The following COL8A1 variants were observed in gnomAD, a reference collection of about 807,000 sequenced individuals.
COL8A1 encodes collagen type VIII alpha 1 chain, also known as collagen alpha-1(VIII) chain.
Under a neutral mutation model 42.7 loss-of-function variants are expected in COL8A1, and 21 were observed. The observed-to-expected ratio is 0.49, with a 90% CI of 0.35 to 0.71. The LOEUF is 0.71. COL8A1 is among the 30% of genes least tolerant of loss of function. The probability of loss-of-function intolerance (pLI) is 0.01; values close to 1 mark genes in which losing one functional copy is unlikely to be tolerated. For missense variants in COL8A1, 788 were observed against 962.4 expected, an observed-to-expected ratio of 0.82 and a Z score of 2.40; for synonymous variants, 367 against 369.1, an observed-to-expected ratio of 0.99 and a Z score of 0.06.
chr3:99,766,667 T>C (rs962725734), intron 2 of COL8A1, among the ~76,000 whole-genome samples: 6 of 152,212 alleles, frequency 3.9e-5, no homozygotes, highest in African/African-American at 1.2e-4. Context: ...GTTGATGTCC[T>C]GGCCAGATGC....
In COL8A1 at chr3:99,798,583, T is replaced by C. The variant is rs1404186567; in HGVS notation, c.*2447T>C. Reference sequence around the variant, plus strand: ...TTCAAAATATCTTCCAACTTATTTATTGGTTGTCACTCAATTGCCTATATA... The same window carrying C: ...TTCAAAATATCTTCCAACTTATTTACTGGTTGTCACTCAATTGCCTATATA... On this transcript the variant is annotated 3_prime_UTR_variant, in exon 4 of 4. Transcript: ENST00000652472. The C allele has an allele frequency of 6.6e-6, 1 of 151,696 alleles. No homozygotes were observed. The highest frequency in any genetic ancestry group is 2.4e-5 in the African/African-American group (1 of 41,206). 9.4% of individuals were successfully genotyped at this position (151,696 alleles called of 1,614,324 possible).
chr3:99,735,021 A>T (rs1341224799), intron 1 of COL8A1, among the ~76,000 whole-genome samples: 1 of 151,860 alleles, frequency 6.6e-6, no homozygotes, highest in Non-Finnish European at 1.5e-5. Context: ...ACTTTGCTGA[A>T]GTTGCTTATC....
chr3:99,726,817 T>C lies in COL8A1; in HGVS notation c.-128-18080T>C, dbSNP rs565538380. On this transcript the variant is annotated intron_variant, in intron 1 of 3. Coordinates refer to ENST00000652472, the MANE Select transcript of COL8A1 (RefSeq NM_020351.4). ...CCATGTTGTTTTGGTTACTGTAGCC[T>C]TGTAGTATAGTTTGAAGTCAGGTAG... 4.4e-3 allele frequency among the ~76,000 whole-genome samples: 674 copies of C among 152,228 alleles called. 6 individuals are homozygous for C. The highest frequency in any genetic ancestry group is 0.015 in the African/African-American group (631 of 41,516).
chr3:99,782,156 T>C (rs1941803954), intron 2 of COL8A1, among the ~76,000 whole-genome samples: 1 of 152,186 alleles, frequency 6.6e-6, no homozygotes, highest in African/African-American at 2.4e-5. Context: ...ATTATTATCA[T>C]TATTGTCCCT....
chr3:99,709,889 A>G (rs567085165), intron 1 of COL8A1, among the ~76,000 whole-genome samples: 2 of 152,334 alleles, frequency 1.3e-5, no homozygotes, highest in African/African-American at 4.8e-5. Flanking sequence ...ATAGTGACGC[A>G]TAAGGAAATT....
At chr3:99,716,351 C>A (rs1939995072) in intron 1 of COL8A1, among the ~76,000 whole-genome samples, 1 of 152,028 alleles carries the variant, frequency 6.6e-6, no homozygotes, top group African/African-American at 2.4e-5. Flanking sequence ...AGACCAGCAT[C>A]TTAAACATCG....
chr3:99,652,708 T>C (rs1937885134), intron 1 of COL8A1, among the ~76,000 whole-genome samples: 1 of 152,202 alleles, frequency 6.6e-6, no homozygotes, highest in Admixed American at 6.5e-5. Context: ...CTCAATAATA[T>C]GGCAGCTAAC....
At chr3:99,701,474 A>T (rs894948925) in intron 1 of COL8A1, among the ~76,000 whole-genome samples, 1 of 152,200 alleles carries the variant, frequency 6.6e-6, no homozygotes, top group African/African-American at 2.4e-5. Flanking sequence ...TTTGTTATCA[A>T]TGAGACACAA....
At chr3:99,684,128 T>G (rs999878184) in intron 1 of COL8A1, among the ~76,000 whole-genome samples, 1 of 152,168 alleles carries the variant, frequency 6.6e-6, no homozygotes, top group Non-Finnish European at 1.5e-5. Flanking sequence ...AGGCCTGTCA[T>G]GTAGCAGGTG....
chr3:99,750,259 G>T (rs1451422362), intron 2 of COL8A1, among the ~76,000 whole-genome samples: 1 of 151,884 alleles, frequency 6.6e-6, no homozygotes, highest in Non-Finnish European at 1.5e-5. Context: ...GTTTCGCCAT[G>T]TTGGCCAGGC....
intron 2 of COL8A1, among the ~76,000 whole-genome samples, chr3:99,777,345 C>T (rs1941713346): frequency 6.6e-6 from 1 of 152,160 alleles, no homozygotes; most frequent in Non-Finnish European, 1.5e-5. Context: ...TCAGGACAGA[C>T]ACCACATTTC....
intron 1 of COL8A1, among the ~76,000 whole-genome samples, chr3:99,650,208 C>T (rs1937798868): frequency 6.6e-6 from 1 of 152,144 alleles, no homozygotes; most frequent in African/African-American, 2.4e-5. Context: ...ATTTCAAAAT[C>T]CTATTAAAGC....
chr3:99,671,295 G>C (rs1318939171), intron 1 of COL8A1, among the ~76,000 whole-genome samples: 1 of 151,974 alleles, frequency 6.6e-6, no homozygotes, highest in Non-Finnish European at 1.5e-5. Context: ...TAATGTCTTT[G>C]ATGAGAGGAT....
At chr3:99,729,669 A>C (rs1940444258) in intron 1 of COL8A1, among the ~76,000 whole-genome samples, 1 of 152,004 alleles carries the variant, frequency 6.6e-6, no homozygotes, top group South Asian at 2.1e-4. Context: ...CTAGAGTTTT[A>C]TGAGACTCTA....
intron 1 of COL8A1, among the ~76,000 whole-genome samples, chr3:99,741,328 T>G (rs1940893233): frequency 6.6e-6 from 1 of 152,046 alleles, no homozygotes; most frequent in African/African-American, 2.4e-5. Flanking sequence ...ACTAAGACTG[T>G]TTTTTAATTC....
intron 2 of COL8A1, among the ~76,000 whole-genome samples, chr3:99,777,632 T>A (rs1941719413): frequency 6.6e-6 from 1 of 152,220 alleles, no homozygotes; most frequent in South Asian, 2.1e-4. Context: ...AAAAAATTAC[T>A]GAAAGATGGT....
At chr3:99,775,060 C>T (rs750732429) in intron 2 of COL8A1, among the ~76,000 whole-genome samples, 12 of 152,288 alleles carry the variant, frequency 7.9e-5, no homozygotes, top group East Asian at 1.9e-4. Context: ...TCATACACAA[C>T]GATCCAGCAG....
rs1200212756 is a variant in COL8A1, at chr3:99,773,837, A to ATATTATATATATATATATATATATT, written c.-3-16842_-3-16841insATTATATATATATATATATATATTT. ...TGTGTATATATATATATATATATAT[A>ATATTATATATATATATATATATATT]TTTTTTTTTTTTTTTTTTTTTTTTT... On this transcript the variant is annotated intron_variant, in intron 2 of 3. Transcript: ENST00000652472. 8.8e-4 allele frequency among the ~76,000 whole-genome samples: 40 copies of ATATTATATATATATATATATATATT among 45,402 alleles called. 1 individual carries two copies. Among genetic ancestry groups the ATATTATATATATATATATATATATT allele is most frequent in the African/African-American group, 1.2e-3 (9 of 7,814 alleles). 29.8% of individuals were successfully genotyped at this position (45,402 alleles called of 152,430 possible). A position where few individuals can be genotyped will look rare whatever the true frequency, so the allele number is the denominator to read the frequency against.
intron 2 of COL8A1, among the ~76,000 whole-genome samples, chr3:99,752,226 GTTCATT>G (rs1167575779): frequency 8.5e-5 from 13 of 152,204 alleles, no homozygotes; most frequent in Non-Finnish European, 4.4e-5. Flanking sequence ...GTGTGGACAT[GTTCATT>G]GTCATCTGTA....
Sources: allele counts gnomAD v4.1 joint callset (sites outside exome capture counted in the v4.1 genomes callset), GRCh38; gene constraint gnomAD v4.1.1; transcripts MANE v1.5; gene names NCBI Gene and HGNC (gene_info 2026-07-23, HGNC 2026-07-21).